Variants in CTBP2 observed in about 807,000 individuals in gnomAD.
The protein encoded by CTBP2 is C-terminal-binding protein 2.
In CTBP2, 30 loss-of-function variants were observed where a neutral mutation model predicts 80.3. The ratio of observed to expected loss-of-function variants is 0.37; its 90% confidence interval spans 0.28 to 0.51. The LOEUF is 0.51. Ranked by LOEUF, CTBP2 falls within the 20% of genes least tolerant of loss-of-function variation. CTBP2 has a pLI of 0.93. For synonymous variants in CTBP2, 594 were observed against 587.4 expected, an observed-to-expected ratio of 1.01 and a Z score of -0.16; for missense variants, 1,212 against 1,375.3, an observed-to-expected ratio of 0.88 and a Z score of 1.88.
chr10:125,098,694 G>A, intron 2 of CTBP2, among the ~76,000 whole-genome samples: 1 of 135,892 alleles, frequency 7.4e-6, no homozygotes, highest in Non-Finnish European at 1.6e-5. Flanking sequence ...GAGAGAGAGA[G>A]AGAGAGAGAG....
rs1368606813 is a variant in CTBP2 at position 125,027,035 on chromosome 10, G to C, written c.725C>G (p.Pro242Arg). ...TGGGGCCACCCCTGTGCTGCCTTCG[G>C]GGGCAGCAGCTGAACTGGGGTCCAC... The change falls in exon 1 of 9, where the codon CCC (proline) becomes CGC (arginine). Residue 242 changes from proline (P) to arginine (R), a missense_variant. Pro to Arg is a moderately radical substitution (Grantham distance 103, BLOSUM62 -2). This residue lies in a region of CTBP2 where 848 missense variants were observed against 782.3 expected (regional missense o/e 1.08). Transcript: ENST00000309035. 1 of 1,613,578 alleles carries C rather than the reference G, an allele frequency of 6.2e-7. No individual in the cohort carries two copies. The highest frequency in any genetic ancestry group is 1.7e-5 in the Admixed American group (1 of 60,012).
chr10:125,143,668 A>T (rs554197487), intron 1 of CTBP2, among the ~76,000 whole-genome samples: 1 of 152,340 alleles, frequency 6.6e-6, no homozygotes, highest in Admixed American at 6.5e-5. Context: ...AAACATAATT[A>T]CACTGCCTAA....
intron 2 of CTBP2, among the ~76,000 whole-genome samples, chr10:125,049,041 CCACAGACACACACACACACACACACA>C (rs1215918584): frequency 4.4e-5 from 5 of 112,416 alleles, no homozygotes; most frequent in Non-Finnish European, 9.4e-5. Context: ...GCCCGCCTGA[CCACAGACACACACACACACACACACA>C]CACACACACA....
At chr10:125,022,994 C>G (rs1305914118) in intron 1 of CTBP2, among the ~76,000 whole-genome samples, 3 of 152,210 alleles carry the variant, frequency 2.0e-5, no homozygotes, top group Non-Finnish European at 4.4e-5. Context: ...CCTAGGAGAT[C>G]AGCGTTCACA....
chr10:125,069,219 C>T (rs1320948099), intron 2 of CTBP2, among the ~76,000 whole-genome samples: 3 of 152,238 alleles, frequency 2.0e-5, no homozygotes, highest in African/African-American at 7.2e-5. Context: ...CTATTGACAA[C>T]ACTACAAATT....
At chr10:125,048,172 T>A (rs1961742720) in intron 2 of CTBP2, among the ~76,000 whole-genome samples, 1 of 151,984 alleles carries the variant, frequency 6.6e-6, no homozygotes, top group Non-Finnish European at 1.5e-5. Flanking sequence ...TGGGCTGACC[T>A]TTTCCTGTTG....
chr10:125,130,916 C>T (rs1222841852), intron 1 of CTBP2, among the ~76,000 whole-genome samples: 1 of 152,210 alleles, frequency 6.6e-6, no homozygotes, highest in African/African-American at 2.4e-5. Flanking sequence ...GAGAAAATCC[C>T]TGGGTATCGC....
At chr10:125,017,165 C>T (rs1031168477) in intron 1 of CTBP2, among the ~76,000 whole-genome samples, 44 of 152,262 alleles carry the variant, frequency 2.9e-4, no homozygotes, top group African/African-American at 9.2e-4. Flanking sequence ...AGCTTAACAA[C>T]TTCAACCAGG....
At chr10:125,081,305 GTT>G (rs1847136786) in intron 2 of CTBP2, among the ~76,000 whole-genome samples, 1 of 152,210 alleles carries the variant, frequency 6.6e-6, no homozygotes, top group African/African-American at 2.4e-5. Context: ...AGAATCCGAA[GTT>G]TCTTTTGCTA....
intron 3 of CTBP2, chr10:124,999,303 T>A (rs184531464): frequency 7.2e-4 from 109 of 150,602 alleles, no homozygotes; most frequent in African/African-American, 2.4e-3. Context: ...CAGCAAGGGG[T>A]GCCCAAGGCA....
intron 2 of CTBP2, among the ~76,000 whole-genome samples, chr10:125,059,744 G>A (rs952366702): frequency 6.6e-6 from 1 of 152,144 alleles, no homozygotes; most frequent in Non-Finnish European, 1.5e-5. Flanking sequence ...GCAGCTCAGT[G>A]TGCTGCCCCT....
At position 125,003,360 on chromosome 10, in the gene CTBP2, G is replaced by A. The variant is rs760580174; in HGVS notation, c.1811C>T (p.Ser604Leu). Reference sequence around the variant, plus strand: ...CACCTTCTCGTGGATTTCCTGCGTCGACTGCGCGTCACAGAAGGCCACAGT... The same window carrying A: ...CACCTTCTCGTGGATTTCCTGCGTCAACTGCGCGTCACAGAAGGCCACAGT... The change falls in exon 2 of 9, where the codon TCG becomes TTG. Residue 604 changes from serine (S) to leucine (L), a missense_variant. Coordinates refer to ENST00000309035, the MANE Select transcript of CTBP2 (RefSeq NM_022802.3). The A allele has an allele frequency of 8.1e-6, 13 of 1,610,446 alleles. No individual in the cohort carries two copies. Among genetic ancestry groups the A allele is most frequent in the Non-Finnish European group, 9.3e-6 (11 of 1,179,386 alleles).
intron 3 of CTBP2, chr10:124,999,205 G>A (rs990012911): frequency 6.6e-6 from 1 of 152,316 alleles, no homozygotes; most frequent in Non-Finnish European, 1.5e-5. Context: ...CTCTGAGGAG[G>A]GGTGTGGCTA....
At chr10:125,087,495 A>C (rs1184062029) in intron 2 of CTBP2, among the ~76,000 whole-genome samples, 1 of 152,176 alleles carries the variant, frequency 6.6e-6, no homozygotes, top group Non-Finnish European at 1.5e-5. Context: ...ACCTGCCAGG[A>C]AACACTCCCC....
chr10:125,057,571 C>T (rs1964199827), intron 2 of CTBP2, among the ~76,000 whole-genome samples: 2 of 152,318 alleles, frequency 1.3e-5, no homozygotes, highest in African/African-American at 4.8e-5. Context: ...ATCCCTTTTC[C>T]AGGCCACAGA....
chr10:125,044,043 G>GAA (rs1436896748), intron 2 of CTBP2, among the ~76,000 whole-genome samples: 1 of 152,194 alleles, frequency 6.6e-6, no homozygotes, highest in African/African-American at 2.4e-5. Context: ...CATGAGTGGG[G>GAA]CGCAGACTTT....
chr10:125,064,919 A>G (rs556665808), intron 2 of CTBP2, among the ~76,000 whole-genome samples: 1 of 152,264 alleles, frequency 6.6e-6, no homozygotes, highest in South Asian at 2.1e-4. Flanking sequence ...CATATTTGGG[A>G]TTTCAGTTTC....
chr10:125,069,289 T>C (rs1358262996), intron 2 of CTBP2, among the ~76,000 whole-genome samples: 1 of 152,202 alleles, frequency 6.6e-6, no homozygotes, highest in Non-Finnish European at 1.5e-5. Flanking sequence ...GTCCAACTTG[T>C]AAACGCCCAC....
At chr10:125,063,923 AG>A (rs1844225463) in intron 2 of CTBP2, among the ~76,000 whole-genome samples, 2 of 152,004 alleles carry the variant, frequency 1.3e-5, no homozygotes. Context: ...CCCCACCCCC[AG>A]GCTGCAGTGC....
Sources: gnomAD v4.1 joint callset for allele counts (sites outside exome capture counted in the v4.1 genomes callset) on GRCh38, gnomAD v4.1.1 for gene constraint, gnomAD v4.1.1 regional missense constraint, MANE v1.5 for transcripts, NCBI Gene and HGNC (gene_info 2026-07-23, HGNC 2026-07-21) for gene names.